The following DDX18 variants were observed in gnomAD, a reference collection of about 807,000 sequenced individuals.
The protein encoded by DDX18 is ATP-dependent RNA helicase DDX18.
Under a neutral mutation model 73.5 loss-of-function variants are expected in DDX18, and 23 were observed. The ratio of observed to expected loss-of-function variants is 0.31; its 90% confidence interval spans 0.23 to 0.44. The LOEUF (loss-of-function observed/expected upper bound fraction) is 0.44, where lower values mean the gene tolerates loss of function less well. Among genes scored for constraint, DDX18 ranks in the 20% least tolerant of loss-of-function variants. The probability of loss-of-function intolerance (pLI) is 1.00; values close to 1 mark genes in which losing one functional copy is unlikely to be tolerated. For missense variants in DDX18, 753 were observed against 792.9 expected (o/e 0.95, Z 0.60); for synonymous variants, 268 against 282.7 (o/e 0.95, Z 0.52).
chr2:117,824,601 C>A lies in DDX18; in HGVS notation c.1099C>A (p.Gln367Lys). ...RRQTMLFSAT[Q>K]TRKVEDLARI... is the part of the protein sequence containing the mutation. ...ACAGACTATGCTCTTTTCTGCCACC[C>A]AAACTCGAAAAGTTGAAGACCTGGC... The change falls in exon 8 of 14, where the codon CAA becomes AAA. Residue 367 changes from glutamine to lysine, a missense_variant. By Grantham distance (53) the Gln-to-Lys change is moderately conservative. Transcript: ENST00000263239. 6.7e-7 allele frequency: 1 copy of A among 1,485,524 alleles called. No individual in the cohort carries two copies. The highest frequency in any genetic ancestry group is 2.5e-5 in the Admixed American group (1 of 40,050). 92.0% of individuals were successfully genotyped at this position (1,485,524 alleles called of 1,614,324 possible).
intron 2 of DDX18, among the ~76,000 whole-genome samples, chr2:117,819,403 T>C (rs1012642553): frequency 2.6e-5 from 4 of 152,190 alleles, no homozygotes; most frequent in Non-Finnish European, 4.4e-5. Flanking sequence ...AACTTATAAT[T>C]GGTATGTTTA....
rs1308461153 is a variant in DDX18, at chr2:117,817,620, C to G, written c.262C>G (p.Gln88Glu). ...AAATATAAAAGTTACAAAGTCTCCC[C>G]AGAAATCCACTGTATTAACCAATGG... ...VGNIKVTKSP[Q>E]KSTVLTNGEA... Residue 88 changes from glutamine (Q) to glutamate (E), a missense_variant, in exon 2 of 14, where the codon CAG (glutamine) becomes GAG (glutamate). Gln to Glu is a conservative substitution (Grantham distance 29). This residue lies in a region of DDX18 where 345 missense variants were observed against 352.0 expected (regional missense o/e 0.98). Transcript: ENST00000263239. 1 of 1,613,848 alleles carries G rather than the reference C, an allele frequency of 6.2e-7. No individual in the cohort carries two copies. Among genetic ancestry groups the G allele is most frequent in the African/African-American group, 1.3e-5 (1 of 74,898 alleles).
chr2:117,821,756 C>T lies in DDX18; in HGVS notation c.751+6C>T, dbSNP rs771331297. 2.1e-5 allele frequency: 34 copies of T among 1,613,744 alleles called. No individual in the cohort carries two copies. Among genetic ancestry groups the T allele is most frequent in the Middle Eastern group, 1.6e-4 (1 of 6,084 alleles). ...AAGGTTCATGCCCAGGAATGGTAAG[C>T]GTTCATCTGCTTGTTTCTGCCATTA... On this transcript the variant is annotated splice_donor_region_variant and intron_variant, in intron 5 of 13. Transcript: ENST00000263239.
chr2:117,830,697 A>T lies in DDX18; in HGVS notation c.1986A>T (p.Ser662=). 6.2e-7 allele frequency: 1 copy of T among 1,613,696 alleles called. No individual in the cohort carries two copies. Among genetic ancestry groups the T allele is most frequent in the Non-Finnish European group, 8.5e-7 (1 of 1,179,756 alleles). ...TCTTTAAACACATTAGCAAGAAATC[A>T]TCTGACAGCAGGCAGTTCTCTCACT... ...SKIFKHISKK[S]SDSRQFSH Residue 662 remains serine (S), a synonymous_variant, in exon 14 of 14, where the codon TCA becomes TCT. Coordinates refer to ENST00000263239, the MANE Select transcript of DDX18 (RefSeq NM_006773.4).
intron 2 of DDX18, among the ~76,000 whole-genome samples, chr2:117,818,819 A>G (rs7604336): frequency 0.34 from 52,327 of 151,880 alleles, 9,807 homozygotes; most frequent in African/African-American, 0.48. Context: ...ACCACACCCA[A>G]CCACCTTATG....
At chr2:117,824,494 G>T in intron 7 of DDX18, 75 bp from the exon 8 acceptor site, 1 of 1,251,648 alleles carries the variant, frequency 8.0e-7, no homozygotes, top group Non-Finnish European at 1.0e-6. Flanking sequence ...TCTCTACCTA[G>T]AATATTTGTA....
At chr2:117,815,872 GT>G (rs1316138148) in intron 1 of DDX18, 1 of 152,078 alleles carries the variant, frequency 6.6e-6, no homozygotes, top group Non-Finnish European at 1.5e-5. Context: ...GGCTTTTGTC[GT>G]TTTGCGAACT....
At chr2:117,826,593 C>G in intron 11 of DDX18, 1 of 569,348 alleles carries the variant, frequency 1.8e-6, no homozygotes, top group Admixed American at 3.1e-5. Flanking sequence ...GCTCTGTTAC[C>G]CAGCAACACC....
chr2:117,819,607 T>G, intron 2 of DDX18, 42 bp from the exon 3 acceptor site: 1 of 1,502,940 alleles, frequency 6.7e-7, no homozygotes, highest in Non-Finnish European at 8.9e-7. Context: ...GAATTCTATT[T>G]TAAGGAAAAA....
chr2:117,819,670 A>C lies in DDX18; in HGVS notation c.392A>C (p.Glu131Ala), dbSNP rs551406749. Residue 131 changes from glutamate (E) to alanine (A), a missense_variant, in exon 3 of 14, where the codon GAA becomes GCA. Physicochemically the swap from Glu to Ala is moderately radical, Grantham distance 107. Coordinates refer to ENST00000263239, the MANE Select transcript of DDX18 (RefSeq NM_006773.4). ...AEPDTKKAKT[E>A]NKGKSEEESA... The stretch of plus-strand genomic sequence containing the variant: ...AAAGATACGAAAAAAGCAAAAACTG[A>C]AAACAAAGGGAAATCTGAAGAAGAA... 20 of 1,586,584 alleles carry C rather than the reference A, an allele frequency of 1.3e-5. No individual in the cohort carries two copies. In the African/African-American group the frequency reaches 2.3e-4, roughly 18 times the overall value.
At chr2:117,820,851 T>A (rs1459543052) in intron 3 of DDX18, among the ~76,000 whole-genome samples, 1 of 152,198 alleles carries the variant, frequency 6.6e-6, no homozygotes, top group Non-Finnish European at 1.5e-5. Flanking sequence ...ACATTTCATT[T>A]ATCTCTGGAC....
intron 11 of DDX18, 58 bp from the exon 12 acceptor site, chr2:117,828,891 C>A: frequency 8.3e-7 from 1 of 1,202,384 alleles, no homozygotes; most frequent in South Asian, 1.3e-5. Flanking sequence ...GTCTTCAGTA[C>A]CCAGTATCGG....
In DDX18 at chr2:117,822,153, C is replaced by G; in HGVS notation, c.958C>G (p.Pro320Ala). 1 of 1,613,584 alleles carries G rather than the reference C, an allele frequency of 6.2e-7. No individual in the cohort carries two copies. Among genetic ancestry groups the G allele is most frequent in the Non-Finnish European group, 8.5e-7 (1 of 1,179,740 alleles). Reference sequence around the variant, plus strand: ...TTGTCCTTTGTTTTGTTAGAATACCCCAGGATTTATGTATAAAAACCTGCA... The same window carrying G: ...TTGTCCTTTGTTTTGTTAGAATACCGCAGGATTTATGTATAAAAACCTGCA... Reference protein sequence around the residue: ...GRLLDHMQNTPGFMYKNLQCL... With the variant: ...GRLLDHMQNTAGFMYKNLQCL... Residue 320 changes from proline to alanine, a missense_variant, in exon 7 of 14, where the codon CCA (proline) becomes GCA (alanine). Transcript: ENST00000263239.
chr2:117,816,173 T>C (rs1285601078), intron 1 of DDX18, among the ~76,000 whole-genome samples: 2 of 152,338 alleles, frequency 1.3e-5, no homozygotes, highest in South Asian at 2.1e-4. Flanking sequence ...TGAGTGAATG[T>C]GAAGGCCTAG....
chr2:117,824,733 CTG>C, intron 8 of DDX18, 25 bp downstream of exon 8: 1 of 1,465,112 alleles, frequency 6.8e-7, no homozygotes, highest in Non-Finnish European at 9.0e-7. Context: ...TAACTGAAAA[CTG>C]TAGGGATCTT....
At position 117,817,445 on chromosome 2, in the gene DDX18, G is replaced by T; in HGVS notation, c.87G>T (p.Gly29=). 2.5e-6 allele frequency: 4 copies of T among 1,594,594 alleles called. No homozygotes were observed. The highest frequency in any genetic ancestry group is 1.7e-6 in the Non-Finnish European group (2 of 1,174,934). Residue 29 remains glycine, a splice_region_variant and synonymous_variant, in exon 2 of 14, where the codon GGG becomes GGT. Coordinates refer to ENST00000263239, the MANE Select transcript of DDX18 (RefSeq NM_006773.4). The stretch of plus-strand genomic sequence containing the variant: ...TATATGTTCTGTTTATTTAAACAGG[G>T]GCCTCAAATCTGACCCTATCGGAAA... ...KLRQRNLKFQ[G]ASNLTLSETQ... is the part of the protein sequence containing the mutation.
At chr2:117,827,902 A>C (rs1269666086) in intron 11 of DDX18, 1 of 152,244 alleles carries the variant, frequency 6.6e-6, no homozygotes, top group East Asian at 1.9e-4. Flanking sequence ...GAATCGTCAC[A>C]CTGTCTTCCA....
intron 10 of DDX18, 174 bp downstream of exon 10, chr2:117,825,773 G>T: frequency 1.5e-6 from 1 of 680,526 alleles, no homozygotes; most frequent in Non-Finnish European, 2.3e-6. Context: ...GGGCTCAAAC[G>T]GGCTGTGCCA....
rs183177574 is a variant in DDX18 at position 117,823,813 on chromosome 2, T to C, written c.1067-756T>C. Reference sequence around the variant, plus strand: ...TTTTATATAGATGCCTTTTATCAGATTGAGGAAGATCCCTTCTGTTCCTAG... The same window carrying C: ...TTTTATATAGATGCCTTTTATCAGACTGAGGAAGATCCCTTCTGTTCCTAG... On this transcript the variant is annotated intron_variant, in intron 7 of 13. Coordinates refer to ENST00000263239, the MANE Select transcript of DDX18 (RefSeq NM_006773.4). Among the ~76,000 whole-genome samples the C allele has an allele frequency of 2.8e-3, 422 of 152,324 alleles. 1 individual carries two copies. The highest frequency in any genetic ancestry group is 6.8e-3 in the Middle Eastern group (2 of 294).
Sources: allele counts gnomAD v4.1 joint callset (sites outside exome capture counted in the v4.1 genomes callset), GRCh38; gene constraint gnomAD v4.1.1; regional missense constraint gnomAD v4.1.1; transcripts MANE v1.5; gene names NCBI Gene and HGNC (gene_info 2026-07-23, HGNC 2026-07-21).